The following ANTXR1 variants were observed in gnomAD, a reference collection of about 807,000 sequenced individuals.
ANTXR1 encodes the protein ANTXR cell adhesion molecule 1.
ANTXR1 carries 19 observed loss-of-function variants against 78.1 expected under a neutral mutation model. The ratio of observed to expected loss-of-function variants is 0.24; its 90% confidence interval spans 0.17 to 0.36. The LOEUF (loss-of-function observed/expected upper bound fraction) is 0.36. ANTXR1 is among the 10% of genes least tolerant of loss of function. The pLI, the probability that ANTXR1 is intolerant of heterozygous loss-of-function variation, is 1.00. For synonymous variants in ANTXR1, 273 were observed against 260.5 expected (o/e 1.05, Z -0.46); for missense variants, 518 against 718.6 (o/e 0.72, Z 3.19).
At chr2:69,097,193 A>T (rs550062461) in intron 9 of ANTXR1, among the ~76,000 whole-genome samples, 2 of 152,214 alleles carry the variant, frequency 1.3e-5, no homozygotes, top group East Asian at 3.9e-4. Flanking sequence ...TTGGCCTCCA[A>T]CTTCCACAGT....
intron 17 of ANTXR1, among the ~76,000 whole-genome samples, chr2:69,217,004 G>A (rs775772162): frequency 6.6e-6 from 1 of 152,164 alleles, no homozygotes; most frequent in African/African-American, 2.4e-5. Context: ...TTGAGACACT[G>A]TGTGAACTGA....
At position 69,247,648 on chromosome 2, in the gene ANTXR1, A is replaced by G. The variant is rs187348942; in HGVS notation, c.*2163A>G. ...TTGCTGGACCCCTGAAAACCATTCC[A>G]TAGGAGAATGGGTTCCCCAGGCTCA... On this transcript the variant is annotated 3_prime_UTR_variant, in exon 18 of 18. Transcript: ENST00000303714. 1 of 152,788 alleles carries G rather than the reference A, an allele frequency of 6.5e-6. No individual in the cohort carries two copies. The highest frequency in any genetic ancestry group is 1.9e-4 in the East Asian group (1 of 5,180). 9.5% of individuals were successfully genotyped at this position (152,788 alleles called of 1,614,324 possible).
At chr2:69,084,869 T>TG (rs1671001218) in intron 8 of ANTXR1, among the ~76,000 whole-genome samples, 1 of 147,568 alleles carries the variant, frequency 6.8e-6, no homozygotes, top group South Asian at 2.2e-4. Flanking sequence ...TTTTTTTTTT[T>TG]TGAGGCAGAG....
At chr2:69,244,360 G>A (rs1251035690) in intron 17 of ANTXR1, among the ~76,000 whole-genome samples, 1 of 152,208 alleles carries the variant, frequency 6.6e-6, no homozygotes. Context: ...AGGTACACAG[G>A]TTGTCAGTTC....
intron 7 of ANTXR1, chr2:69,077,151 T>TA: frequency 3.6e-6 from 2 of 551,674 alleles, no homozygotes; most frequent in Non-Finnish European, 6.5e-6. Flanking sequence ...TGGGCGCTCT[T>TA]ACCTCTGCTC....
rs765530610 is a variant in ANTXR1, at chr2:69,040,123, A to C, written c.224+8A>C. ...GGCTCACAAATTCATCAGGTGAGAA[A>C]CACTATGCATTTTGTTCACTTGTAG... On this transcript the variant is annotated splice_region_variant and intron_variant, in intron 2 of 17. Transcript: ENST00000303714. The C allele has an allele frequency of 1.9e-6, 3 of 1,611,920 alleles. No homozygotes were observed. In the African/African-American group the frequency reaches 4.0e-5, roughly 21 times the overall value.
intron 14 of ANTXR1, among the ~76,000 whole-genome samples, chr2:69,172,738 A>G (rs1391531733): frequency 6.6e-6 from 1 of 152,252 alleles, no homozygotes; most frequent in African/African-American, 2.4e-5. Context: ...AAAATTCAGA[A>G]TGGAAAAAGG....
At chr2:69,209,761 G>T (rs915184103) in intron 17 of ANTXR1, among the ~76,000 whole-genome samples, 1 of 152,384 alleles carries the variant, frequency 6.6e-6, no homozygotes, top group Admixed American at 6.5e-5. Flanking sequence ...GAGGCCAGCG[G>T]TGATGGGTGG....
At chr2:69,183,330 A>G (rs773030522) in intron 16 of ANTXR1, among the ~76,000 whole-genome samples, 9 of 152,032 alleles carry the variant, frequency 5.9e-5, no homozygotes, top group Non-Finnish European at 1.2e-4. Flanking sequence ...AGATCTTAAA[A>G]TCCTCTTTGG....
intron 14 of ANTXR1, among the ~76,000 whole-genome samples, chr2:69,174,870 A>C (rs1674078441): frequency 6.6e-6 from 1 of 152,234 alleles, no homozygotes; most frequent in East Asian, 1.9e-4. Flanking sequence ...CCTGAAACAA[A>C]AGTGTGCTAT....
intron 12 of ANTXR1, among the ~76,000 whole-genome samples, chr2:69,129,463 T>C (rs964051206): frequency 4.6e-5 from 7 of 151,536 alleles, no homozygotes; most frequent in Non-Finnish European, 1.0e-4. Flanking sequence ...TATAAAAGAG[T>C]GTATAATAGG....
At chr2:69,073,153 C>T in intron 6 of ANTXR1, 52 bp downstream of exon 6, 1 of 1,564,616 alleles carries the variant, frequency 6.4e-7, no homozygotes, top group Non-Finnish European at 8.8e-7. Context: ...GGGGCTTCTC[C>T]TTTCTAAAAT....
Position 69,245,587 on chromosome 2 carries a change from T to C in ANTXR1, c.*102T>C. On this transcript the variant is annotated 3_prime_UTR_variant, in exon 18 of 18. Transcript: ENST00000303714. ...GAGTGGTGATAAAGCCCACTGACCT[T>C]CACACATTCTAAAAATTGGTTGGCA... The C allele has an allele frequency of 6.6e-7, 1 of 1,508,024 alleles. No homozygotes were observed. Among genetic ancestry groups the C allele is most frequent in the Non-Finnish European group, 8.9e-7 (1 of 1,122,152 alleles). 93.4% of individuals were successfully genotyped at this position (1,508,024 alleles called of 1,614,324 possible). A position where few individuals can be genotyped will look rare whatever the true frequency, so the allele number is the denominator to read the frequency against.
intron 3 of ANTXR1, among the ~76,000 whole-genome samples, chr2:69,058,462 C>T (rs1227721948): frequency 6.6e-6 from 1 of 151,962 alleles, no homozygotes; most frequent in Non-Finnish European, 1.5e-5. Context: ...CAACAAAGCC[C>T]AGATGACAGC....
chr2:69,196,286 C>T lies in ANTXR1; in HGVS notation c.1434+2871C>T, dbSNP rs60943498. On this transcript the variant is annotated intron_variant, in intron 17 of 17. Coordinates refer to ENST00000303714, the MANE Select transcript of ANTXR1 (RefSeq NM_032208.3). Reference sequence around the variant, plus strand: ...GAATTTGGATACATTTGAACACACTCTCAACACTGTTACAAATTATGATTA... The same window carrying T: ...GAATTTGGATACATTTGAACACACTTTCAACACTGTTACAAATTATGATTA... 4.7e-3 allele frequency among the ~76,000 whole-genome samples: 719 copies of T among 152,346 alleles called. 8 individuals are homozygous for T. The highest frequency in any genetic ancestry group is 0.016 in the African/African-American group (675 of 41,574).
Position 69,016,673 on chromosome 2 carries a change from A to G in ANTXR1, c.152+3022A>G, listed in dbSNP as rs139246377. On this transcript the variant is annotated intron_variant, in intron 1 of 17. Transcript: ENST00000303714. ...CCTGTTTAAAAAGTTAAACACACAC[A>G]TGTGTATGTCTCTATTTACCAATAT... is the stretch of plus-strand genomic sequence containing the variant. Among the ~76,000 whole-genome samples, 156 of 152,312 alleles carry G rather than the reference A, an allele frequency of 1.0e-3. 2 individuals are homozygous for G. Among genetic ancestry groups the G allele is most frequent in the Non-Finnish European group, 1.8e-3 (120 of 68,032 alleles).
intron 13 of ANTXR1, among the ~76,000 whole-genome samples, chr2:69,156,074 G>C (rs930134183): frequency 2.0e-5 from 3 of 152,118 alleles, no homozygotes; most frequent in Non-Finnish European, 4.4e-5. Context: ...CCTCAGAAGA[G>C]AGCAGCCCAG....
chr2:69,171,086 T>C (rs1454936360), intron 14 of ANTXR1, among the ~76,000 whole-genome samples: 1 of 152,228 alleles, frequency 6.6e-6, no homozygotes, highest in Non-Finnish European at 1.5e-5. Context: ...AAAGATAGAT[T>C]GATAAGGTTT....
At chr2:69,145,594 G>A (rs1400936793) in intron 12 of ANTXR1, 89 of 1,359,736 alleles carry the variant, frequency 6.5e-5, no homozygotes, top group Non-Finnish European at 7.9e-5. Context: ...CCTTACTGGA[G>A]GCACTTTATT....
Sources: gnomAD v4.1 joint callset for allele counts (sites outside exome capture counted in the v4.1 genomes callset) on GRCh38, gnomAD v4.1.1 for gene constraint, MANE v1.5 for transcripts, NCBI Gene and HGNC (gene_info 2026-07-23, HGNC 2026-07-21) for gene names.